Variants in IRGQ observed in about 807,000 individuals in gnomAD.
The protein encoded by IRGQ is immunity-related GTPase family Q protein.
Under a neutral mutation model 10.5 loss-of-function variants are expected in IRGQ, and 5 were observed. The observed-to-expected ratio is 0.48, with a 90% CI of 0.25 to 1.00. The LOEUF (loss-of-function observed/expected upper bound fraction) is 1.00. Among genes scored for constraint, IRGQ ranks in the 50% least tolerant of loss-of-function variants. The pLI, the probability that IRGQ is intolerant of heterozygous loss-of-function variation, is 0.16. For synonymous variants in IRGQ, 418 were observed against 426.0 expected, an observed-to-expected ratio of 0.98 and a Z score of 0.23; for missense variants, 792 against 877.7, an observed-to-expected ratio of 0.90 and a Z score of 1.23.
chr19:43,592,686 A>G lies in IRGQ; in HGVS notation c.1212T>C (p.Gly404=). ...LQQVVGMKKS[G]GGDSERAAAL... Reference sequence around the variant, plus strand: ...CAGCGGCCCGCTCTGAGTCGCCACCACCTGATTTCTTCATGCCGACAACCT... The same window carrying G: ...CAGCGGCCCGCTCTGAGTCGCCACCGCCTGATTTCTTCATGCCGACAACCT... Residue 404 remains glycine (G), a synonymous_variant, in exon 3 of 3, where the codon GGT becomes GGC. Coordinates refer to ENST00000422989, the MANE Select transcript of IRGQ (RefSeq NM_001007561.3). 6.2e-7 allele frequency: 1 copy of G among 1,607,728 alleles called. No individual in the cohort carries two copies. The highest frequency in any genetic ancestry group is 8.5e-7 in the Non-Finnish European group (1 of 1,179,880).
chr19:43,595,679 C>T (rs1224680324), intron 1 of IRGQ, among the ~76,000 whole-genome samples: 1 of 151,942 alleles, frequency 6.6e-6, no homozygotes, highest in Non-Finnish European at 1.5e-5. Flanking sequence ...GCCTGGCCAA[C>T]ATGTGGGGGG....
At position 43,592,823 on chromosome 19, in the gene IRGQ, C is replaced by T. The variant is rs1973079431; in HGVS notation, c.1075G>A (p.Gly359Arg). ...CTGAGTGCATTCTCCAATCCCCCTCCACCTGCGTTCTTTAAGCTCTCGCCC... is the reference window on the plus strand; with the variant it reads ...CTGAGTGCATTCTCCAATCCCCCTCTACCTGCGTTCTTTAAGCTCTCGCCC... ...PKGESLKNAG[G>R]GGLENALSKG... The change falls in exon 3 of 3, where the codon GGA becomes AGA. Residue 359 changes from glycine to arginine, a missense_variant. Physicochemically the swap from Gly to Arg is moderately radical, Grantham distance 125 (BLOSUM62 -2). Coordinates refer to ENST00000422989, the MANE Select transcript of IRGQ (RefSeq NM_001007561.3). The T allele has an allele frequency of 6.2e-7, 1 of 1,614,092 alleles. No homozygotes were observed.
intron 1 of IRGQ, chr19:43,595,591 C>T (rs1376738157): frequency 3.8e-5 from 14 of 367,786 alleles, no homozygotes; most frequent in Non-Finnish European, 5.3e-5. Context: ...AAATCAGGCG[C>T]GGTGGCTCAT....
intron 2 of IRGQ, 29 bp downstream of exon 2, chr19:43,594,763 GCCTAGGGTCTCGACTAA>G: frequency 6.5e-7 from 1 of 1,540,626 alleles, no homozygotes; most frequent in South Asian, 1.2e-5. Context: ...GCACCTAGGT[GCCTAGGGTCTCGACTAA>G]CGGACCCAGC....
chr19:43,592,086 A>C lies in IRGQ; in HGVS notation c.1812T>G (p.Ala604=). 1 of 1,612,538 alleles carries C rather than the reference A, an allele frequency of 6.2e-7. No individual in the cohort carries two copies. Among genetic ancestry groups the C allele is most frequent in the Non-Finnish European group, 8.5e-7 (1 of 1,179,730 alleles). Residue 604 remains alanine (A), a synonymous_variant, in exon 3 of 3, where the codon GCT becomes GCG. Transcript: ENST00000422989. ...YRAAHGVLLQ[A]LDEMRADAEA... Reference sequence around the variant, plus strand: ...CAGCATCAGCCCGCATCTCATCGAGAGCCTGCAGCAGGACGCCGTGAGCCG... The same window carrying C: ...CAGCATCAGCCCGCATCTCATCGAGCGCCTGCAGCAGGACGCCGTGAGCCG...
chr19:43,595,055 G>T lies in IRGQ; in HGVS notation c.284C>A (p.Ala95Asp). The T allele has an allele frequency of 6.2e-7, 1 of 1,613,128 alleles. No individual in the cohort carries two copies. The highest frequency in any genetic ancestry group is 8.5e-7 in the Non-Finnish European group (1 of 1,179,720). Residue 95 changes from alanine (A) to aspartate (D), a missense_variant, in exon 2 of 3, where the codon GCC (alanine) becomes GAC (aspartate). Ala to Asp is a moderately radical substitution (Grantham distance 126). Transcript: ENST00000422989. ...PEGNGEPLAP[A>D]LGEAALAALA... ...GGCGGCCAGCGCTGCCTCTCCCAGGGCTGGAGCCAACGGTTCCCCGTTCCC... is the reference window on the plus strand; with the variant it reads ...GGCGGCCAGCGCTGCCTCTCCCAGGTCTGGAGCCAACGGTTCCCCGTTCCC...
In IRGQ at chr19:43,592,143, A is replaced by C. The variant is rs769280483; in HGVS notation, c.1755T>G (p.Gly585=). 6.2e-7 allele frequency: 1 copy of C among 1,610,308 alleles called. No homozygotes were observed. Among genetic ancestry groups the C allele is most frequent in the South Asian group, 1.1e-5 (1 of 91,062 alleles). The stretch of plus-strand genomic sequence containing the variant: ...AGCCCAGGCCACCTGTCGCCGCTGC[A>C]CCACCCGCAGGCCACAGGAAGGAGA... ...GALSFLWPAG[G]AAATGGLGYR... is the part of the protein sequence containing the mutation. The change falls in exon 3 of 3, where the codon GGT becomes GGG. Residue 585 remains glycine (G), a synonymous_variant. Coordinates refer to ENST00000422989, the MANE Select transcript of IRGQ (RefSeq NM_001007561.3).
In IRGQ at chr19:43,588,226, G is replaced by A. The variant is rs1314380376; in HGVS notation, c.*3800C>T. ...GCCGGTGGATCACCTGAGGTCAGGAGTTCAAGACCAGCCTGGCCAACACAG... is the reference window on the plus strand; with the variant it reads ...GCCGGTGGATCACCTGAGGTCAGGAATTCAAGACCAGCCTGGCCAACACAG... On this transcript the variant is annotated 3_prime_UTR_variant, in exon 3 of 3. Transcript: ENST00000422989. 6.6e-6 allele frequency: 1 copy of A among 151,972 alleles called. No homozygotes were observed. Among genetic ancestry groups the A allele is most frequent in the East Asian group, 1.9e-4 (1 of 5,146 alleles). The allele number at this position is 151,972 out of a possible 1,614,324, so 9.4% of individuals were successfully genotyped here.
Position 43,592,167 on chromosome 19 carries a change from G to C in IRGQ, c.1731C>G (p.Leu577=). The C allele has an allele frequency of 6.2e-7, 1 of 1,607,342 alleles. No homozygotes were observed. Among genetic ancestry groups the C allele is most frequent in the Non-Finnish European group, 8.5e-7 (1 of 1,179,396 alleles). Residue 577 remains leucine (L), a synonymous_variant, in exon 3 of 3, where the codon CTC becomes CTG. Transcript: ENST00000422989. The stretch of plus-strand genomic sequence containing the variant: ...CACCACCCGCAGGCCACAGGAAGGA[G>C]AGAGCCCCCAGTGCTGCGCCCCCAG... ...GTAGGAALGA[L]SFLWPAGGAA...
In IRGQ at chr19:43,590,864, TC is replaced by T. The variant is rs1442190178; in HGVS notation, c.*1161del. On this transcript the variant is annotated 3_prime_UTR_variant, in exon 3 of 3. Transcript: ENST00000422989. ...ACACTCACAGAGGCAGTTGCCGGGA[TC>T]CCAATACAAGGTTTGGAGGAGCTGT... 1 of 152,198 alleles carries T rather than the reference TC, an allele frequency of 6.6e-6. No homozygotes were observed. 9.4% of individuals were successfully genotyped at this position (152,198 alleles called of 1,614,324 possible). A position where few individuals can be genotyped will look rare whatever the true frequency, so the allele number is the denominator to read the frequency against.
chr19:43,593,467 A>G lies in IRGQ; in HGVS notation c.531-100T>C, dbSNP rs1249498988. 12 of 1,263,240 alleles carry G rather than the reference A, an allele frequency of 9.5e-6. No individual in the cohort carries two copies. The highest frequency in any genetic ancestry group is 1.5e-5 in the African/African-American group (1 of 67,058). 78.3% of individuals were successfully genotyped at this position (1,263,240 alleles called of 1,614,324 possible). A position where few individuals can be genotyped will look rare whatever the true frequency, so the allele number is the denominator to read the frequency against. ...GGCAGAGCTTTCCTAATGATCCCAG[A>G]ATGGGGCAGGGGTAGGAAAGGGAAG... On this transcript the variant is annotated intron_variant, in intron 2 of 2. Transcript: ENST00000422989. The surrounding 1 kb of genome is among the most constrained non-coding windows in gnomAD (Gnocchi z 6.4).
At position 43,592,856 on chromosome 19, in the gene IRGQ, T is replaced by A; in HGVS notation, c.1042A>T (p.Asn348Tyr). The change falls in exon 3 of 3, where the codon AAT (asparagine) becomes TAT (tyrosine). Residue 348 changes from asparagine to tyrosine, a missense_variant. By Grantham distance (143) the Asn-to-Tyr change is moderately radical. Transcript: ENST00000422989. ...PECLGEGKME[N>Y]PKGESLKNAG... ...TTCTTTAAGCTCTCGCCCTTGGGAT[T>A]CTCCATCTTGCCTTCTCCCAGACAC... The A allele has an allele frequency of 6.2e-7, 1 of 1,613,964 alleles. No individual in the cohort carries two copies. The highest frequency in any genetic ancestry group is 8.5e-7 in the Non-Finnish European group (1 of 1,180,020).
At position 43,585,432 on chromosome 19, in the gene IRGQ, G is replaced by A. The variant is rs1446051615; in HGVS notation, c.*6594C>T. The A allele has an allele frequency of 6.6e-6, 1 of 152,206 alleles. No homozygotes were observed. Among genetic ancestry groups the A allele is most frequent in the Non-Finnish European group, 1.5e-5 (1 of 68,150 alleles). The allele number at this position is 152,206 out of a possible 1,614,324, so 9.4% of individuals were successfully genotyped here. A position where few individuals can be genotyped will look rare whatever the true frequency, so the allele number is the denominator to read the frequency against. Reference sequence around the variant, plus strand: ...TTTTTGTATTTTTAGTAGAGAGACGGGGTTTCACTGTGTTAGCCAGGATGG... The same window carrying A: ...TTTTTGTATTTTTAGTAGAGAGACGAGGTTTCACTGTGTTAGCCAGGATGG... On this transcript the variant is annotated 3_prime_UTR_variant, in exon 3 of 3. Transcript: ENST00000422989.
In IRGQ at chr19:43,587,319, G is replaced by GACTCT. The variant is rs1487263794; in HGVS notation, c.*4702_*4706dup. 6.6e-6 allele frequency: 1 copy of GACTCT among 151,434 alleles called. No individual in the cohort carries two copies. The highest frequency in any genetic ancestry group is 1.5e-5 in the Non-Finnish European group (1 of 67,822). The allele number at this position is 151,434 out of a possible 1,614,324, so 9.4% of individuals were successfully genotyped here. On this transcript the variant is annotated 3_prime_UTR_variant, in exon 3 of 3. Coordinates refer to ENST00000422989, the MANE Select transcript of IRGQ (RefSeq NM_001007561.3). ...CACTCCAGCCTGGGTGACAAAGTGA[G>GACTCT]ACTCTGTCTCAAAACAAAACAAAAC...
rs181592271 is a variant in IRGQ at position 43,593,638 on chromosome 19, G to A, written c.531-271C>T. Among the ~76,000 whole-genome samples, 95 of 152,312 alleles carry A rather than the reference G, an allele frequency of 6.2e-4. No homozygotes were observed. Among genetic ancestry groups the A allele is most frequent in the Middle Eastern group, 6.8e-3 (2 of 294 alleles). ...CCACCCCAGCCTAAAATGGGGATTGGGCTAAAACTTCCATGGAATACAGTA... is the reference window on the plus strand; with the variant it reads ...CCACCCCAGCCTAAAATGGGGATTGAGCTAAAACTTCCATGGAATACAGTA... On this transcript the variant is annotated intron_variant, in intron 2 of 2. Coordinates refer to ENST00000422989, the MANE Select transcript of IRGQ (RefSeq NM_001007561.3). This position sits in a 1 kb window ranked among gnomAD's most constrained non-coding sequence, Gnocchi z 6.4.
At position 43,592,488 on chromosome 19, in the gene IRGQ, G is replaced by C; in HGVS notation, c.1410C>G (p.Ala470=). ...CTCGCAACGCCGCAGCCTTGGTTCGGGCAGCGCTGGGAGATGCTGGTGGCA... is the reference window on the plus strand; with the variant it reads ...CTCGCAACGCCGCAGCCTTGGTTCGCGCAGCGCTGGGAGATGCTGGTGGCA... ...LALPPASPSA[A]RTKAAALRAG... is the part of the protein sequence containing the mutation. Residue 470 remains alanine, a synonymous_variant, in exon 3 of 3, where the codon GCC becomes GCG. Transcript: ENST00000422989. 1 of 1,593,600 alleles carries C rather than the reference G, an allele frequency of 6.3e-7. No homozygotes were observed. The highest frequency in any genetic ancestry group is 1.1e-5 in the South Asian group (1 of 90,612).
chr19:43,594,663 GTCTC>G, intron 2 of IRGQ, 142 bp downstream of exon 2: 1 of 592,792 alleles, frequency 1.7e-6, no homozygotes, highest in Non-Finnish European at 2.7e-6. Context: ...GCGAGACCCT[GTCTC>G]TCAGGAAAAA....
chr19:43,595,651 G>A (rs1973127248), intron 1 of IRGQ: 2 of 239,642 alleles, frequency 8.3e-6, no homozygotes. Context: ...ATCGCTTGAG[G>A]CCAGGAATTC....
chr19:43,595,013 G>A lies in IRGQ; in HGVS notation c.326C>T (p.Pro109Leu), dbSNP rs778301905. 2 of 1,613,396 alleles carry A rather than the reference G, an allele frequency of 1.2e-6. No individual in the cohort carries two copies. The highest frequency in any genetic ancestry group is 1.7e-6 in the Non-Finnish European group (2 of 1,179,902). ...AALAALARGT[P>L]LLAVRNLRPG... is the part of the protein sequence containing the mutation. Reference sequence around the variant, plus strand: ...ACGGAGGTTCCGCACAGCCAGTAGCGGGGTCCCTCGGGCCAGGGCGGCCAG... The same window carrying A: ...ACGGAGGTTCCGCACAGCCAGTAGCAGGGTCCCTCGGGCCAGGGCGGCCAG... Residue 109 changes from proline to leucine, a missense_variant, in exon 2 of 3, where the codon CCG (proline) becomes CTG (leucine). Pro to Leu is a moderately conservative substitution (Grantham distance 98). Coordinates refer to ENST00000422989, the MANE Select transcript of IRGQ (RefSeq NM_001007561.3).
Sources: allele counts gnomAD v4.1 joint callset (sites outside exome capture counted in the v4.1 genomes callset), GRCh38; gene constraint gnomAD v4.1.1; non-coding constraint Gnocchi (gnomAD v3.1); transcripts MANE v1.5; gene names NCBI Gene and HGNC (gene_info 2026-07-23, HGNC 2026-07-21).